The following HPSE2 variants were observed in gnomAD, a reference collection of about 807,000 sequenced individuals.
HPSE2 encodes inactive heparanase-2.
HPSE2 carries 38 observed loss-of-function variants against 60.5 expected under a neutral mutation model. The observed-to-expected ratio is 0.63, with a 90% confidence interval of 0.48 to 0.82. HPSE2 has a LOEUF of 0.82. Ranked by LOEUF, HPSE2 falls within the 40% of genes least tolerant of loss-of-function variation. The probability of loss-of-function intolerance (pLI) is 0.00; values close to 1 mark genes in which losing one functional copy is unlikely to be tolerated. For missense variants in HPSE2, 713 were observed against 740.4 expected (o/e 0.96, Z 0.43); for synonymous variants, 295 against 293.2 (o/e 1.01, Z -0.06).
At chr10:98,699,781 A>C (rs2134188224) in intron 5 of HPSE2, among the ~76,000 whole-genome samples, 1 of 128,212 alleles carries the variant, frequency 7.8e-6, no homozygotes, top group South Asian at 3.6e-4. Context: ...GCTGATAAGC[A>C]ACTTCAGCAA....
the HPSE2 span, among the ~76,000 whole-genome samples, chr10:99,290,900 T>A: frequency 6.6e-6 from 1 of 152,194 alleles, no homozygotes; most frequent in Non-Finnish European, 1.5e-5. Flanking sequence ...CTGAGGATAT[T>A]TGGAGGTGTC....
At chr10:98,903,176 T>C (rs150076110) in intron 3 of HPSE2, among the ~76,000 whole-genome samples, 25 of 152,166 alleles carry the variant, frequency 1.6e-4, no homozygotes, top group Admixed American at 1.6e-3. Context: ...TCACCAAAGA[T>C]TACATATTAT....
chr10:98,891,020 T>C (rs1953321893), intron 3 of HPSE2, among the ~76,000 whole-genome samples: 1 of 152,214 alleles, frequency 6.6e-6, no homozygotes. Context: ...TATTTTCTGA[T>C]AGGTACTTTA....
At chr10:99,128,342 G>T (rs867607890) in intron 3 of HPSE2, among the ~76,000 whole-genome samples, 2 of 152,030 alleles carry the variant, frequency 1.3e-5, no homozygotes, top group Admixed American at 6.6e-5. Flanking sequence ...ATACCCAAAG[G>T]AATATAAATT....
chr10:98,676,836 C>G (rs374610011), intron 6 of HPSE2, among the ~76,000 whole-genome samples: 74 of 152,132 alleles, frequency 4.9e-4, no homozygotes, highest in African/African-American at 1.8e-3. Context: ...GCATAGTATT[C>G]TCTTTCTTAA....
intron 9 of HPSE2, among the ~76,000 whole-genome samples, chr10:98,587,187 C>T (rs1944962309): frequency 6.6e-6 from 1 of 152,204 alleles, no homozygotes; most frequent in South Asian, 2.1e-4. Flanking sequence ...TTTCACAACA[C>T]TCTGAACATA....
At chr10:98,882,461 G>T (rs1831445963) in intron 3 of HPSE2, among the ~76,000 whole-genome samples, 1 of 151,838 alleles carries the variant, frequency 6.6e-6, no homozygotes, top group Non-Finnish European at 1.5e-5. Context: ...GGCTAGGCTT[G>T]GCTTCAGATT....
At chr10:99,292,077 A>C in the HPSE2 span, among the ~76,000 whole-genome samples, 17 of 152,336 alleles carry the variant, frequency 1.1e-4, 1 homozygote, top group East Asian at 3.1e-3. Flanking sequence ...TGGCTTTTGA[A>C]TAAATAAATA....
intron 2 of HPSE2, among the ~76,000 whole-genome samples, chr10:99,160,966 A>G (rs1345724870): frequency 2.0e-5 from 3 of 151,118 alleles, no homozygotes; most frequent in Non-Finnish European, 4.4e-5. Context: ...TTATAATCCT[A>G]TCACTCTGAG....
chr10:98,698,738 T>C (rs1269906120), intron 5 of HPSE2, among the ~76,000 whole-genome samples: 12 of 150,788 alleles, frequency 8.0e-5, no homozygotes, highest in Non-Finnish European at 1.8e-4. Context: ...ACTGATAGAC[T>C]GCTAGCAAGA....
chr10:98,666,448 C>T (rs1004584450), intron 6 of HPSE2, among the ~76,000 whole-genome samples: 1 of 152,138 alleles, frequency 6.6e-6, no homozygotes, highest in African/African-American at 2.4e-5. Flanking sequence ...TAGACATCTG[C>T]AGAACATTCC....
chr10:98,599,751 C>T (rs987523018), intron 9 of HPSE2, among the ~76,000 whole-genome samples: 4 of 152,146 alleles, frequency 2.6e-5, no homozygotes, highest in African/African-American at 7.2e-5. Flanking sequence ...TGTGCTCTAC[C>T]TAGGTGCTAT....
intron 3 of HPSE2, among the ~76,000 whole-genome samples, chr10:99,012,654 C>T (rs554861535): frequency 3.2e-4 from 49 of 152,242 alleles, no homozygotes; most frequent in Non-Finnish European, 5.4e-4. Flanking sequence ...ACATATACAA[C>T]CTTATGCAAA....
At chr10:98,462,655 C>T (rs368659302) in intron 11 of HPSE2, among the ~76,000 whole-genome samples, 30 of 152,206 alleles carry the variant, frequency 2.0e-4, no homozygotes, top group East Asian at 1.4e-3. Flanking sequence ...GTTTTGTTTT[C>T]GTTTTTGTTT....
At chr10:99,270,998 A>C in the HPSE2 span, among the ~76,000 whole-genome samples, 1 of 152,238 alleles carries the variant, frequency 6.6e-6, no homozygotes, top group African/African-American at 2.4e-5. Flanking sequence ...ATATAATAAA[A>C]GTCATCTATG....
chr10:98,707,478 T>C (rs1948575292), intron 5 of HPSE2, among the ~76,000 whole-genome samples: 1 of 152,196 alleles, frequency 6.6e-6, no homozygotes, highest in Admixed American at 6.5e-5. Flanking sequence ...TTCTCTGCTA[T>C]ATGTGAGAAT....
chr10:99,066,469 A>C lies in HPSE2; in HGVS notation c.610+77769T>G, dbSNP rs765099521. Among the ~76,000 whole-genome samples the C allele has an allele frequency of 2.0e-5, 3 of 152,180 alleles. No homozygotes were observed. The South Asian group carries it at 6.2e-4, about 32-fold the overall frequency. ...TGATGCTAATAAAAACATATCCGAG[A>C]CTGGGTAACTCCAACTCACAGTACC... On this transcript the variant is annotated intron_variant, in intron 3 of 11. Coordinates refer to ENST00000370552, the MANE Select transcript of HPSE2 (RefSeq NM_021828.5).
At chr10:98,979,455 C>T (rs1242950038) in intron 3 of HPSE2, among the ~76,000 whole-genome samples, 1 of 151,972 alleles carries the variant, frequency 6.6e-6, no homozygotes, top group Non-Finnish European at 1.5e-5. Flanking sequence ...GGCTGAAAAC[C>T]AAAGAAATTT....
At chr10:99,305,979 G>GCGCGCGCGCGCACACACACACACA in the HPSE2 span, among the ~76,000 whole-genome samples, 75 of 80,568 alleles carry the variant, frequency 9.3e-4, no homozygotes, top group Non-Finnish European at 1.3e-3. Context: ...GCGCGCGCGC[G>GCGCGCGCGCGCACACACACACACA]CACACACACA....
Sources: allele counts gnomAD v4.1 joint callset (sites outside exome capture counted in the v4.1 genomes callset), GRCh38; gene constraint gnomAD v4.1.1; transcripts MANE v1.5; gene names NCBI Gene and HGNC (gene_info 2026-07-23, HGNC 2026-07-21).